DNAJC1: variants seen among roughly 807,000 people sequenced by gnomAD.
The protein encoded by DNAJC1 is DnaJ heat shock protein family (Hsp40) member C1.
Under a neutral mutation model 76.6 loss-of-function variants are expected in DNAJC1, and 58 were observed. That is an observed-to-expected ratio of 0.76 (90% CI 0.61 to 0.94). The LOEUF (loss-of-function observed/expected upper bound fraction) is 0.94. DNAJC1 is among the 40% of genes least tolerant of loss of function. The probability of loss-of-function intolerance (pLI) is 0.00; values close to 1 mark genes in which losing one functional copy is unlikely to be tolerated. For synonymous variants in DNAJC1, 258 were observed against 267.9 expected (o/e 0.96, Z 0.36); for missense variants, 689 against 677.3 (o/e 1.02, Z -0.19).
At chr10:21,886,576 A>G (rs1414576074) in intron 7 of DNAJC1, among the ~76,000 whole-genome samples, 1 of 152,072 alleles carries the variant, frequency 6.6e-6, no homozygotes, top group East Asian at 1.9e-4. Flanking sequence ...CAAAAATTAC[A>G]AAATATTTGC....
intron 1 of DNAJC1, among the ~76,000 whole-genome samples, chr10:21,978,529 A>T (rs990648528): frequency 4.6e-5 from 7 of 152,128 alleles, no homozygotes; most frequent in African/African-American, 1.7e-4. Flanking sequence ...ATTTACAGAC[A>T]ACATGTGGCA....
At chr10:21,770,395 CTTTTTTTT>C in intron 9 of DNAJC1, among the ~76,000 whole-genome samples, 1 of 107,530 alleles carries the variant, frequency 9.3e-6, no homozygotes, top group South Asian at 2.8e-4. Context: ...TTTTTTTCTT[CTTTTTTTT>C]TTTTTTTTTT....
chr10:21,806,128 G>C, intron 8 of DNAJC1, 29 bp from the exon 9 acceptor site: 1 of 1,568,440 alleles, frequency 6.4e-7, no homozygotes. Flanking sequence ...AATAAAAAAA[G>C]ATAATTGGGA....
intron 9 of DNAJC1, among the ~76,000 whole-genome samples, chr10:21,790,010 T>TAAAAAAAAAAAAAAAAAA (rs35639440): frequency 7.3e-5 from 3 of 41,064 alleles, no homozygotes; most frequent in East Asian, 8.7e-4. Flanking sequence ...GCTCTGTCTT[T>TAAAAAAAAAAAAAAAAAA]AAAAAAAAAA....
intron 1 of DNAJC1, among the ~76,000 whole-genome samples, chr10:21,993,702 C>T (rs1049558408): frequency 1.3e-5 from 2 of 152,072 alleles, no homozygotes; most frequent in Admixed American, 6.6e-5. Context: ...CAGCTACTAC[C>T]TCTATCTCTA....
intron 1 of DNAJC1, among the ~76,000 whole-genome samples, chr10:21,970,535 T>C (rs1428912989): frequency 1.3e-5 from 2 of 151,964 alleles, no homozygotes; most frequent in Non-Finnish European, 1.5e-5. Context: ...GGGGAGAAAA[T>C]ACTTGCAATC....
chr10:21,860,112 G>A (rs1189492540), intron 8 of DNAJC1, among the ~76,000 whole-genome samples: 1 of 149,986 alleles, frequency 6.7e-6, no homozygotes, highest in Non-Finnish European at 1.5e-5. Context: ...AAACAGCAGA[G>A]AGGGTAACTA....
At chr10:21,876,678 T>C (rs1169696693) in intron 8 of DNAJC1, among the ~76,000 whole-genome samples, 37 of 152,172 alleles carry the variant, frequency 2.4e-4, no homozygotes, top group Admixed American at 2.4e-3. Flanking sequence ...GACCGTGTGG[T>C]AGTAGCACAA....
intron 8 of DNAJC1, among the ~76,000 whole-genome samples, chr10:21,877,477 T>G (rs186195784): frequency 6.6e-6 from 1 of 151,984 alleles, no homozygotes; most frequent in African/African-American, 2.4e-5. Flanking sequence ...CTCTTTATAA[T>G]CCAGTCTTAA....
chr10:21,887,848 C>A (rs1836393069), intron 7 of DNAJC1, among the ~76,000 whole-genome samples: 1 of 152,054 alleles, frequency 6.6e-6, no homozygotes, highest in African/African-American at 2.4e-5. Flanking sequence ...ATTACAAAGA[C>A]ACCAAAAGCA....
At chr10:21,849,982 G>C (rs1266126385) in intron 8 of DNAJC1, among the ~76,000 whole-genome samples, 1 of 152,068 alleles carries the variant, frequency 6.6e-6, no homozygotes, top group African/African-American at 2.4e-5. Context: ...CATAATAGAG[G>C]TCATTTGTGG....
At chr10:21,801,810 A>G (rs1453899119) in intron 9 of DNAJC1, among the ~76,000 whole-genome samples, 1 of 152,224 alleles carries the variant, frequency 6.6e-6, no homozygotes, top group African/African-American at 2.4e-5. Flanking sequence ...TGCAGCCACA[A>G]AAAAGAATGA....
chr10:21,971,976 A>C (rs1468553504), intron 1 of DNAJC1, among the ~76,000 whole-genome samples: 2 of 151,844 alleles, frequency 1.3e-5, no homozygotes, highest in African/African-American at 4.8e-5. Context: ...CTCTCACCCC[A>C]CTTTTCCTTT....
chr10:21,839,435 C>G (rs1425668535), intron 8 of DNAJC1, among the ~76,000 whole-genome samples: 6 of 152,170 alleles, frequency 3.9e-5, no homozygotes, highest in African/African-American at 1.4e-4. Flanking sequence ...ACTGATCCCA[C>G]AGAAATACAA....
At chr10:21,985,400 C>T (rs539834066) in intron 1 of DNAJC1, among the ~76,000 whole-genome samples, 66 of 152,266 alleles carry the variant, frequency 4.3e-4, no homozygotes, top group African/African-American at 1.4e-3. Context: ...CAGGCATGCA[C>T]CACAGCACTC....
chr10:21,924,853 A>C (rs1837099808), intron 3 of DNAJC1, among the ~76,000 whole-genome samples: 1 of 152,252 alleles, frequency 6.6e-6, no homozygotes, highest in African/African-American at 2.4e-5. Flanking sequence ...CCAGGCTACA[A>C]ACCTGTATAG....
At chr10:21,840,268 A>G (rs1462722159) in intron 8 of DNAJC1, among the ~76,000 whole-genome samples, 1 of 152,152 alleles carries the variant, frequency 6.6e-6, no homozygotes, top group Non-Finnish European at 1.5e-5. Context: ...CAGGCAGGAG[A>G]AGGAAATAAA....
chr10:21,949,412 T>G (rs1837556012), intron 1 of DNAJC1, among the ~76,000 whole-genome samples: 3 of 76,384 alleles, frequency 3.9e-5, no homozygotes, highest in Admixed American at 3.6e-4. Context: ...CCCCTTCTTC[T>G]TTTTTTTTTT....
chr10:21,984,049 G>T (rs1233752653), intron 1 of DNAJC1, among the ~76,000 whole-genome samples: 1 of 152,006 alleles, frequency 6.6e-6, no homozygotes, highest in African/African-American at 2.4e-5. Context: ...CAGTTACTGA[G>T]GCCAATAAAA....
Sources: allele counts gnomAD v4.1 joint callset (sites outside exome capture counted in the v4.1 genomes callset), GRCh38; gene constraint gnomAD v4.1.1; transcripts MANE v1.5; gene names NCBI Gene and HGNC (gene_info 2026-07-23, HGNC 2026-07-21).